Variants in SH3BGRL2 observed in about 807,000 individuals in gnomAD.
SH3BGRL2 encodes the protein SH3 domain-binding glutamic acid-rich-like protein 2.
SH3BGRL2 carries 21 observed loss-of-function variants against 14.8 expected under a neutral mutation model. That is an observed-to-expected ratio of 1.42 (90% CI 1.01 to 2.05). The LOEUF is 2.05. Ranked by LOEUF, SH3BGRL2 falls within the 30% of genes most tolerant of loss-of-function variation. The probability of loss-of-function intolerance (pLI) is 0.00; values close to 1 mark genes in which losing one functional copy is unlikely to be tolerated. For synonymous variants in SH3BGRL2, 50 were observed against 47.8 expected (o/e 1.05, Z -0.19); for missense variants, 147 against 130.8 (o/e 1.12, Z -0.61).
At chr6:79,658,912 A>G (rs538911421) in intron 1 of SH3BGRL2, among the ~76,000 whole-genome samples, 1 of 152,122 alleles carries the variant, frequency 6.6e-6, no homozygotes, top group Non-Finnish European at 1.5e-5. Context: ...GCATTTTTTC[A>G]TGTGTCCGTT....
At chr6:79,542,560 C>T in the SH3BGRL2 span, among the ~76,000 whole-genome samples, 1 of 152,154 alleles carries the variant, frequency 6.6e-6, no homozygotes, top group South Asian at 2.1e-4. Flanking sequence ...TGAGCCACCA[C>T]ACCTGGCCTC....
chr6:79,636,784 A>G (rs1768932458), intron 1 of SH3BGRL2, among the ~76,000 whole-genome samples: 1 of 152,006 alleles, frequency 6.6e-6, no homozygotes, highest in Non-Finnish European at 1.5e-5. Flanking sequence ...CTGCCTTCAC[A>G]TTCATATGGC....
chr6:79,647,281 T>G (rs558346700), intron 1 of SH3BGRL2, among the ~76,000 whole-genome samples: 294 of 152,290 alleles, frequency 1.9e-3, no homozygotes, highest in African/African-American at 6.8e-3. Flanking sequence ...TGCATTTTCC[T>G]AATGACTAAT....
intron 2 of SH3BGRL2, among the ~76,000 whole-genome samples, chr6:79,693,130 G>A (rs1178672223): frequency 6.6e-6 from 1 of 152,110 alleles, no homozygotes; most frequent in Admixed American, 6.6e-5. Context: ...TTGTGAATGG[G>A]AGTTCACTCA....
the SH3BGRL2 span, among the ~76,000 whole-genome samples, chr6:79,548,759 C>T: frequency 2.0e-5 from 3 of 152,124 alleles, no homozygotes; most frequent in Non-Finnish European, 2.9e-5. Context: ...TACTCCTCAT[C>T]GTCAGCTTTT....
the SH3BGRL2 span, among the ~76,000 whole-genome samples, chr6:79,560,865 C>CTTTT: frequency 8.9e-6 from 1 of 112,102 alleles, no homozygotes; most frequent in Non-Finnish European, 1.8e-5. Flanking sequence ...TAACAATACA[C>CTTTT]TCTTTTTTTT....
At chr6:79,627,943 T>G (rs985546550), upstream of SH3BGRL2, among the ~76,000 whole-genome samples, 6 of 152,170 alleles carry the variant, frequency 3.9e-5, no homozygotes, top group African/African-American at 1.4e-4. Context: ...AAATCACATC[T>G]TTATCTTTTC....
At chr6:79,694,677 ATTG>A (rs905193926) in intron 2 of SH3BGRL2, among the ~76,000 whole-genome samples, 1 of 151,998 alleles carries the variant, frequency 6.6e-6, no homozygotes, top group Non-Finnish European at 1.5e-5. Flanking sequence ...TTCCCTTCAG[ATTG>A]TTTTTTCTCG....
At chr6:79,586,816 G>A in the SH3BGRL2 span, among the ~76,000 whole-genome samples, 171 of 152,266 alleles carry the variant, frequency 1.1e-3, no homozygotes, top group African/African-American at 3.9e-3. Flanking sequence ...CTGCAAATAT[G>A]ACTTGGAATA....
rs1770486299 is a variant in SH3BGRL2 at position 79,702,669 on chromosome 6, A to T, written c.*3160A>T. On this transcript the variant is annotated 3_prime_UTR_variant, in exon 4 of 4. Coordinates refer to ENST00000369838, the MANE Select transcript of SH3BGRL2 (RefSeq NM_031469.4). ...ATACAAACAGATCGTGTGATCATTC[A>T]AGGAGCCAGACATGAGGTCCTGCAC... 1 of 152,242 alleles carries T rather than the reference A, an allele frequency of 6.6e-6. No homozygotes were observed. The highest frequency in any genetic ancestry group is 2.4e-5 in the African/African-American group (1 of 41,470). 9.4% of individuals were successfully genotyped at this position (152,242 alleles called of 1,614,324 possible). A position where few individuals can be genotyped will look rare whatever the true frequency, so the allele number is the denominator to read the frequency against.
At chr6:79,652,805 A>G (rs1255985325) in intron 1 of SH3BGRL2, among the ~76,000 whole-genome samples, 1 of 152,054 alleles carries the variant, frequency 6.6e-6, no homozygotes, top group African/African-American at 2.4e-5. Flanking sequence ...AACGTTCTAT[A>G]TTTTTGCCTG....
At chr6:79,611,787 A>G in the SH3BGRL2 span, among the ~76,000 whole-genome samples, 1 of 152,212 alleles carries the variant, frequency 6.6e-6, no homozygotes, top group African/African-American at 2.4e-5. Flanking sequence ...TCCAGATTCC[A>G]GTAACAACTC....
Position 79,701,039 on chromosome 6 carries a change from G to C in SH3BGRL2, c.*1530G>C, listed in dbSNP as rs1770444877. On this transcript the variant is annotated 3_prime_UTR_variant, in exon 4 of 4. Transcript: ENST00000369838. ...CTAAATGTAGACTAAAGAACTTGTT[G>C]AATGCTAAGGCTGAAATCCCAACCT... 1 of 152,166 alleles carries C rather than the reference G, an allele frequency of 6.6e-6. No individual in the cohort carries two copies. Among genetic ancestry groups the C allele is most frequent in the South Asian group, 2.1e-4 (1 of 4,828 alleles). The allele number at this position is 152,166 out of a possible 1,614,324, so 9.4% of individuals were successfully genotyped here.
chr6:79,641,150 TTGTGTGTGTGTGTG>T (rs373404859), intron 1 of SH3BGRL2, among the ~76,000 whole-genome samples: 84 of 141,394 alleles, frequency 5.9e-4, no homozygotes, highest in Middle Eastern at 7.1e-3. Flanking sequence ...TCTCACCCTT[TTGTGTGTGTGTGTG>T]TGTGTGTGTG....
intron 1 of SH3BGRL2, among the ~76,000 whole-genome samples, chr6:79,645,150 G>A (rs1430466037): frequency 2.0e-5 from 2 of 98,644 alleles, no homozygotes; most frequent in Non-Finnish European, 2.0e-5. Flanking sequence ...GTGAGAGTCC[G>A]TCTCAAAAAA....
chr6:79,668,066 G>GTCCCATGGT (rs1480203623), intron 1 of SH3BGRL2, among the ~76,000 whole-genome samples: 2 of 152,100 alleles, frequency 1.3e-5, no homozygotes. Context: ...CAGCTAGTGA[G>GTCCCATGGT]TCCCATGGTG....
chr6:79,684,458 A>G (rs1169776239), intron 2 of SH3BGRL2, among the ~76,000 whole-genome samples: 4 of 151,962 alleles, frequency 2.6e-5, no homozygotes, highest in Non-Finnish European at 4.4e-5. Flanking sequence ...TTATCTTAGT[A>G]TCTGGTATCC....
rs1238422488 is a variant in SH3BGRL2 at position 79,703,537 on chromosome 6, C to G, written c.*4028C>G. 6.6e-6 allele frequency: 1 copy of G among 152,158 alleles called. No homozygotes were observed. The highest frequency in any genetic ancestry group is 2.4e-5 in the African/African-American group (1 of 41,434). The allele number at this position is 152,158 out of a possible 1,614,324, so 9.4% of individuals were successfully genotyped here. A position where few individuals can be genotyped will look rare whatever the true frequency, so the allele number is the denominator to read the frequency against. On this transcript the variant is annotated 3_prime_UTR_variant, in exon 4 of 4. Transcript: ENST00000369838. ...TGCGGTTTCCTGAACCTATCTCTAT[C>G]CCTGTCTGATAGAGGGAACCCCTGT...
the SH3BGRL2 span, among the ~76,000 whole-genome samples, chr6:79,562,617 A>G: frequency 6.6e-6 from 1 of 152,196 alleles, no homozygotes; most frequent in Non-Finnish European, 1.5e-5. Context: ...CACTGACCAC[A>G]TACCTACTCA....
Sources: allele counts gnomAD v4.1 joint callset (sites outside exome capture counted in the v4.1 genomes callset), GRCh38; gene constraint gnomAD v4.1.1; transcripts MANE v1.5; gene names NCBI Gene and HGNC (gene_info 2026-07-23, HGNC 2026-07-21).